The following DENND5B variants were observed in gnomAD, a reference collection of about 807,000 sequenced individuals.
DENND5B encodes DENN domain containing 5B.
Under a neutral mutation model 140.6 loss-of-function variants are expected in DENND5B, and 34 were observed. That is an observed-to-expected ratio of 0.24 (90% CI 0.18 to 0.32). The LOEUF is 0.32. DENND5B is among the 10% of genes least tolerant of loss of function. The probability of loss-of-function intolerance (pLI) is 1.00; values close to 1 mark genes in which losing one functional copy is unlikely to be tolerated. For synonymous variants in DENND5B, 551 were observed against 562.1 expected, an observed-to-expected ratio of 0.98 and a Z score of 0.28; for missense variants, 1,142 against 1,560.2, an observed-to-expected ratio of 0.73 and a Z score of 4.52.
At chr12:31,433,933 C>T (rs147262563) in intron 7 of DENND5B, among the ~76,000 whole-genome samples, 5 of 152,220 alleles carry the variant, frequency 3.3e-5, no homozygotes, top group Admixed American at 2.6e-4. Context: ...AGTTTGGGGC[C>T]GCAGTGTGCC....
rs150159141 is a variant in DENND5B at position 31,455,116 on chromosome 12, G to A, written c.1093-2640C>T. Among the ~76,000 whole-genome samples the A allele has an allele frequency of 4.7e-3, 711 of 151,980 alleles. 13 individuals carry two copies. In the South Asian group the frequency reaches 0.056, roughly 12 times the overall value. ...ATTACAGGCGTGAGCCACCGCGCCC[G>A]GCCAATTCAGTATCTTTAAAATGGA... On this transcript the variant is annotated intron_variant, in intron 4 of 20. Coordinates refer to ENST00000389082, the MANE Select transcript of DENND5B (RefSeq NM_144973.4).
At chr12:31,427,717 C>T (rs979338955) in intron 8 of DENND5B, among the ~76,000 whole-genome samples, 4 of 152,014 alleles carry the variant, frequency 2.6e-5, no homozygotes, top group Admixed American at 2.6e-4. Context: ...AACTGCTCTA[C>T]ATTATATAGT....
At position 31,389,371 on chromosome 12, in the gene DENND5B, G is replaced by C. The variant is rs1490647726; in HGVS notation, c.3594C>G (p.Asn1198Lys). Residue 1198 changes from asparagine to lysine, a missense_variant, in exon 20 of 21, where the codon AAC becomes AAG. Coordinates refer to ENST00000389082, the MANE Select transcript of DENND5B (RefSeq NM_144973.4). ...TCTGGAATTTGCCATCCTTCCCAAT[G>C]TTCCTGGGTGCAGTATTAATAGCAT... ...YVNAINTAPR[N>K]IGKDGKFQIL... 6.8e-6 allele frequency: 11 copies of C among 1,613,534 alleles called. No homozygotes were observed. The highest frequency in any genetic ancestry group is 8.5e-6 in the Non-Finnish European group (10 of 1,179,762).
chr12:31,459,984 T>C (rs1051955560), intron 4 of DENND5B, among the ~76,000 whole-genome samples: 4 of 152,238 alleles, frequency 2.6e-5, no homozygotes, highest in African/African-American at 9.6e-5. Flanking sequence ...AATCAGCCAC[T>C]GTCTTGTTTT....
At chr12:31,438,823 A>C (rs1478379330) in intron 7 of DENND5B, among the ~76,000 whole-genome samples, 1 of 152,174 alleles carries the variant, frequency 6.6e-6, no homozygotes, top group Non-Finnish European at 1.5e-5. Flanking sequence ...CCAAATAAAT[A>C]GTAAAAATAT....
chr12:31,428,214 T>C (rs1471724393), intron 8 of DENND5B, among the ~76,000 whole-genome samples: 3 of 149,992 alleles, frequency 2.0e-5, no homozygotes, highest in Admixed American at 2.0e-4. Context: ...ATGTGGCGGG[T>C]GCCTGTAATC....
intron 1 of DENND5B, among the ~76,000 whole-genome samples, chr12:31,530,951 A>G (rs1437999780): frequency 1.3e-5 from 2 of 152,224 alleles, no homozygotes; most frequent in South Asian, 2.1e-4. Context: ...TTAAATTATA[A>G]TAAGAATAGG....
rs374278098 is a variant in DENND5B, at chr12:31,495,943, A to G, written c.128-24T>C. 99 of 1,514,368 alleles carry G rather than the reference A, an allele frequency of 6.5e-5. 1 individual carries two copies. The African/African-American group carries it at 1.0e-3, about 16-fold the overall frequency. The allele number at this position is 1,514,368 out of a possible 1,614,324, so 93.8% of individuals were successfully genotyped here. ...GCCTACAACAAATAATACATAGTTA[A>G]TATCTAGAACTTTTCCAAAAGCATG... On this transcript the variant is annotated intron_variant, in intron 1 of 20. Transcript: ENST00000389082.
intron 1 of DENND5B, 183 bp downstream of exon 1, chr12:31,590,523 C>A: frequency 1.4e-6 from 1 of 738,570 alleles, no homozygotes; most frequent in Non-Finnish European, 1.9e-6. Flanking sequence ...GCCGCAAAGC[C>A]CGCACGCGGA....
intron 1 of DENND5B, chr12:31,541,034 T>TA (rs1555170715): frequency 5.3e-6 from 2 of 380,890 alleles, no homozygotes; most frequent in African/African-American, 8.1e-5. Flanking sequence ...CCGTATCTCT[T>TA]ACCATATAAA....
intron 1 of DENND5B, among the ~76,000 whole-genome samples, chr12:31,560,809 G>T (rs1949448425): frequency 6.6e-6 from 1 of 152,058 alleles, no homozygotes; most frequent in Non-Finnish European, 1.5e-5. Context: ...TTTACTTTGG[G>T]ATACTTTTCC....
intron 8 of DENND5B, chr12:31,432,188 CA>C (rs1565572365): frequency 1.1e-6 from 1 of 920,836 alleles, no homozygotes; most frequent in Non-Finnish European, 1.3e-6. Flanking sequence ...GACAGGAAAG[CA>C]AAAAAGAAAA....
intron 3 of DENND5B, among the ~76,000 whole-genome samples, chr12:31,461,758 T>C (rs974275236): frequency 1.3e-5 from 2 of 152,214 alleles, no homozygotes; most frequent in Non-Finnish European, 2.9e-5. Flanking sequence ...TTTGGATTTG[T>C]AGAATTGAGG....
intron 3 of DENND5B, among the ~76,000 whole-genome samples, chr12:31,472,193 A>C (rs1945591794): frequency 6.6e-6 from 1 of 152,196 alleles, no homozygotes. Flanking sequence ...GATGCTAATA[A>C]AAACATTAAT....
chr12:31,402,933 G>A (rs1390478409), intron 14 of DENND5B, among the ~76,000 whole-genome samples: 1 of 152,052 alleles, frequency 6.6e-6, no homozygotes, highest in Non-Finnish European at 1.5e-5. Context: ...TCAAGCATTA[G>A]CACGAGAATA....
intron 1 of DENND5B, among the ~76,000 whole-genome samples, chr12:31,556,142 C>T (rs2352048): frequency 0.57 from 86,928 of 152,122 alleles, 25,325 homozygotes; most frequent in East Asian, 0.82. Context: ...CCGTCTTCTG[C>T]GTTGCTCACA....
At chr12:31,478,091 A>G (rs965698470) in intron 3 of DENND5B, 3 of 152,372 alleles carry the variant, frequency 2.0e-5, no homozygotes, top group African/African-American at 7.2e-5. Context: ...ATAAAAAGAA[A>G]GTGGGTGAAA....
At chr12:31,480,309 C>T (rs1439875938) in intron 2 of DENND5B, 54 bp from the exon 3 acceptor site, 2 of 1,369,190 alleles carry the variant, frequency 1.5e-6, no homozygotes, top group Non-Finnish European at 1.9e-6. Context: ...TAACTTCAAG[C>T]CAGAAATAAA....
intron 1 of DENND5B, among the ~76,000 whole-genome samples, chr12:31,514,305 A>G (rs1024829816): frequency 1.3e-5 from 2 of 152,220 alleles, no homozygotes; most frequent in Non-Finnish European, 2.9e-5. Context: ...CTAGTTTTAT[A>G]TAAGCACACT....
Sources: gnomAD v4.1 joint callset for allele counts (sites outside exome capture counted in the v4.1 genomes callset) on GRCh38, gnomAD v4.1.1 for gene constraint, MANE v1.5 for transcripts, NCBI Gene and HGNC (gene_info 2026-07-23, HGNC 2026-07-21) for gene names.